KLHL18: variants seen among roughly 807,000 people sequenced by gnomAD.
KLHL18 encodes kelch like family member 18, also known as kelch-like protein 18.
A neutral mutation model predicts 58.5 loss-of-function variants in KLHL18; 38 were observed. The observed-to-expected ratio is 0.65, with a 90% CI of 0.50 to 0.85. The LOEUF is 0.85. Ranked by LOEUF, KLHL18 falls within the 40% of genes least tolerant of loss-of-function variation. KLHL18 has a pLI of 0.00. For missense variants in KLHL18, 624 were observed against 778.4 expected, an observed-to-expected ratio of 0.80 and a Z score of 2.36; for synonymous variants, 303 against 301.9, an observed-to-expected ratio of 1.00 and a Z score of -0.04.
intron 2 of KLHL18, among the ~76,000 whole-genome samples, chr3:47,320,863 T>G (rs140170527): frequency 6.3e-4 from 96 of 152,258 alleles, no homozygotes; most frequent in Middle Eastern, 3.4e-3. Flanking sequence ...CCGCGAGCTG[T>G]GATCACACCA....
rs1471059993 is a variant in KLHL18, at chr3:47,343,957, G to A, written c.*16G>A. 6 of 1,611,004 alleles carry A rather than the reference G, an allele frequency of 3.7e-6. No individual in the cohort carries two copies. The highest frequency in any genetic ancestry group is 5.1e-6 in the Non-Finnish European group (6 of 1,179,806). On this transcript the variant is annotated 3_prime_UTR_variant, in exon 10 of 10. Coordinates refer to ENST00000232766, the MANE Select transcript of KLHL18 (RefSeq NM_025010.5). ...CACCATCTAAGGCAGAGGATGGGATGTGGTGGGGCAGGGATCTGGTACAGA... is the reference window on the plus strand; with the variant it reads ...CACCATCTAAGGCAGAGGATGGGATATGGTGGGGCAGGGATCTGGTACAGA...
chr3:47,342,948 T>A, intron 9 of KLHL18, 118 bp downstream of exon 9: 1 of 750,482 alleles, frequency 1.3e-6, no homozygotes, highest in Non-Finnish European at 2.2e-6. Flanking sequence ...TATCATCTAG[T>A]GAGGTTTCAG....
At chr3:47,283,395 A>T (rs988408140) in intron 1 of KLHL18, 1 of 430,420 alleles carries the variant, frequency 2.3e-6, no homozygotes, top group Middle Eastern at 5.9e-4. Flanking sequence ...GAGAAAATGG[A>T]CTTACCTTCT....
chr3:47,298,857 G>A (rs1702953157), intron 1 of KLHL18, among the ~76,000 whole-genome samples: 1 of 152,120 alleles, frequency 6.6e-6, no homozygotes, highest in Non-Finnish European at 1.5e-5. Context: ...AAGTTATTGT[G>A]TGTATTGATC....
chr3:47,344,066 C>A lies in KLHL18; in HGVS notation c.*125C>A. On this transcript the variant is annotated 3_prime_UTR_variant, in exon 10 of 10. Coordinates refer to ENST00000232766, the MANE Select transcript of KLHL18 (RefSeq NM_025010.5). ...GCGAAACGTGAGCTCGCCGGAGGTA[C>A]AGTTTTTCCAGGTGCTTAAGCCCTC... 1.6e-6 allele frequency: 2 copies of A among 1,272,876 alleles called. No homozygotes were observed. Among genetic ancestry groups the A allele is most frequent in the Non-Finnish European group, 2.1e-6 (2 of 936,042 alleles). 78.8% of individuals were successfully genotyped at this position (1,272,876 alleles called of 1,614,324 possible).
In KLHL18 at chr3:47,330,132, G is replaced by A. The variant is rs1049051139; in HGVS notation, c.583G>A (p.Val195Ile). 5.6e-6 allele frequency: 9 copies of A among 1,614,136 alleles called. No homozygotes were observed. The African/African-American group carries it at 8.0e-5, about 14-fold the overall frequency. Residue 195 changes from valine (V) to isoleucine (I), a missense_variant, in exon 4 of 10, where the codon GTC becomes ATC. Val to Ile is a conservative substitution (Grantham distance 29, BLOSUM62 3). Coordinates refer to ENST00000232766, the MANE Select transcript of KLHL18 (RefSeq NM_025010.5). ...LELVSRDELNVKSEEQVFEAA... is the reference protein window; with the variant it reads ...LELVSRDELNIKSEEQVFEAA... Reference sequence around the variant, plus strand: ...GCTGGTGTCTCGGGATGAGCTGAATGTCAAATCTGAGGAGCAGGTATGTGA... The same window carrying A: ...GCTGGTGTCTCGGGATGAGCTGAATATCAAATCTGAGGAGCAGGTATGTGA...
At chr3:47,293,734 T>C (rs1702837905) in intron 1 of KLHL18, among the ~76,000 whole-genome samples, 1 of 152,216 alleles carries the variant, frequency 6.6e-6, no homozygotes, top group African/African-American at 2.4e-5. Context: ...CAAATAGCTT[T>C]CAAACCTATA....
intron 1 of KLHL18, among the ~76,000 whole-genome samples, chr3:47,309,446 A>G (rs1182846106): frequency 6.9e-6 from 1 of 145,566 alleles, no homozygotes; most frequent in South Asian, 2.2e-4. Context: ...CGCTCCTCAC[A>G]TCCCAGACGG....
At chr3:47,303,067 G>C (rs896085335) in intron 1 of KLHL18, among the ~76,000 whole-genome samples, 1 of 152,160 alleles carries the variant, frequency 6.6e-6, no homozygotes, top group African/African-American at 2.4e-5. Context: ...CCATATTCAT[G>C]ATCTCTTCCA....
intron 1 of KLHL18, among the ~76,000 whole-genome samples, chr3:47,296,640 G>T (rs295444): frequency 0.96 from 145,999 of 152,272 alleles, 70,310 homozygotes; most frequent in East Asian, 1. Flanking sequence ...TGTGACTGTT[G>T]CATGGAAAGG....
At position 47,330,028 on chromosome 3, in the gene KLHL18, A is replaced by G; in HGVS notation, c.479A>G (p.Asn160Ser). Residue 160 changes from asparagine to serine, a missense_variant, in exon 4 of 10, where the codon AAC (asparagine) becomes AGC (serine). Asn to Ser is a conservative substitution (Grantham distance 46). Coordinates refer to ENST00000232766, the MANE Select transcript of KLHL18 (RefSeq NM_025010.5). ...TGTGCTGTGCTGTACGACGCTGCCA[A>G]CAGCTTCATCCACCAGCACTTTGTG... is the stretch of plus-strand genomic sequence containing the variant. ...MMCAVLYDAA[N>S]SFIHQHFVEV... 6.2e-7 allele frequency: 1 copy of G among 1,614,072 alleles called. No homozygotes were observed. The highest frequency in any genetic ancestry group is 1.1e-5 in the South Asian group (1 of 91,068).
At chr3:47,324,304 T>TTTTTTTTTTTTTC in intron 3 of KLHL18, among the ~76,000 whole-genome samples, 1 of 95,968 alleles carries the variant, frequency 1.0e-5, no homozygotes, top group South Asian at 4.4e-4. Context: ...CTTTCTTTTT[T>TTTTTTTTTTTTTC]TTTTTTTTTT....
intron 1 of KLHL18, among the ~76,000 whole-genome samples, chr3:47,293,511 T>C (rs1396029093): frequency 6.6e-6 from 1 of 152,224 alleles, no homozygotes; most frequent in African/African-American, 2.4e-5. Flanking sequence ...AGTTCAGCCC[T>C]GTAGCTGCAC....
intron 1 of KLHL18, among the ~76,000 whole-genome samples, chr3:47,297,033 G>A (rs1405436094): frequency 1.3e-5 from 2 of 152,152 alleles, no homozygotes; most frequent in East Asian, 3.8e-4. Flanking sequence ...AGAAGAAGTG[G>A]GAAGCAGCCT....
intron 1 of KLHL18, among the ~76,000 whole-genome samples, chr3:47,290,715 A>T (rs1576130990): frequency 1.3e-5 from 2 of 151,630 alleles, no homozygotes; most frequent in South Asian, 2.1e-4. Flanking sequence ...TCCTGCTTCC[A>T]CCTCCCCAAG....
chr3:47,344,335 A>G lies in KLHL18; in HGVS notation c.*394A>G, dbSNP rs763675156. 3.7e-4 allele frequency: 101 copies of G among 270,790 alleles called. No individual in the cohort carries two copies. The highest frequency in any genetic ancestry group is 5.9e-4 in the East Asian group (5 of 8,486). 16.8% of individuals were successfully genotyped at this position (270,790 alleles called of 1,614,324 possible). ...TCCAGCCGAGTCTGGCCAATTTGCC[A>G]TGGGGAGGCTGCAGTGTCCAAGCCT... On this transcript the variant is annotated 3_prime_UTR_variant, in exon 10 of 10. Transcript: ENST00000232766.
chr3:47,315,518 G>A (rs1442488366), intron 1 of KLHL18, among the ~76,000 whole-genome samples: 1 of 152,196 alleles, frequency 6.6e-6, no homozygotes, highest in Non-Finnish European at 1.5e-5. Flanking sequence ...CAGAATATCT[G>A]TAGGCCGACA....
At chr3:47,304,884 T>G (rs1020480832) in intron 1 of KLHL18, among the ~76,000 whole-genome samples, 14 of 151,656 alleles carry the variant, frequency 9.2e-5, no homozygotes, top group Non-Finnish European at 1.8e-4. Flanking sequence ...ATTAGCTGGG[T>G]GTGGTGGTGC....
At chr3:47,295,321 T>C (rs1039738912) in intron 1 of KLHL18, among the ~76,000 whole-genome samples, 1 of 152,184 alleles carries the variant, frequency 6.6e-6, no homozygotes, top group Non-Finnish European at 1.5e-5. Context: ...TTCAGAGTCC[T>C]GCAGATGTGG....
Sources: allele counts gnomAD v4.1 joint callset (sites outside exome capture counted in the v4.1 genomes callset), GRCh38; gene constraint gnomAD v4.1.1; transcripts MANE v1.5; gene names NCBI Gene and HGNC (gene_info 2026-07-23, HGNC 2026-07-21).